PARM1: variants seen among roughly 807,000 people sequenced by gnomAD.
PARM1 encodes prostate androgen-regulated mucin-like protein 1, also known as WSC4, cell wall integrity and stress response component 4 homolog.
In PARM1, 14 loss-of-function variants were observed where a neutral mutation model predicts 24.6. That is an observed-to-expected ratio of 0.57 (90% CI 0.38 to 0.89). The LOEUF is 0.89. Among genes scored for constraint, PARM1 ranks in the 40% least tolerant of loss-of-function variants. The pLI is 0.00. For missense variants in PARM1, 362 were observed against 380.4 expected (o/e 0.95, Z 0.40); for synonymous variants, 179 against 156.6 (o/e 1.14, Z -1.07).
intron 3 of PARM1, among the ~76,000 whole-genome samples, chr4:75,041,016 T>C (rs1723472500): frequency 6.6e-6 from 1 of 152,174 alleles, no homozygotes; most frequent in Non-Finnish European, 1.5e-5. Context: ...CCACTTCTTC[T>C]ATTTGTTTTC....
chr4:74,993,063 C>T (rs374510431), intron 1 of PARM1, among the ~76,000 whole-genome samples: 2 of 152,158 alleles, frequency 1.3e-5, no homozygotes, highest in East Asian at 1.9e-4. Flanking sequence ...AGACTAGAGA[C>T]TTATTTCTTA....
At chr4:74,990,711 A>G (rs143019750) in intron 1 of PARM1, among the ~76,000 whole-genome samples, 3 of 152,198 alleles carry the variant, frequency 2.0e-5, no homozygotes, top group Non-Finnish European at 1.5e-5. Flanking sequence ...TCAACCAAGC[A>G]TAGTAAATTA....
intron 2 of PARM1, among the ~76,000 whole-genome samples, chr4:75,018,139 T>C (rs997183478): frequency 6.6e-6 from 1 of 152,214 alleles, no homozygotes; most frequent in Non-Finnish European, 1.5e-5. Flanking sequence ...AATACTAGGG[T>C]TATAGCCATG....
chr4:75,044,127 A>T (rs1220208461), intron 3 of PARM1, among the ~76,000 whole-genome samples: 1 of 152,158 alleles, frequency 6.6e-6, no homozygotes, highest in Non-Finnish European at 1.5e-5. Flanking sequence ...TTATTTTAGC[A>T]ACAGATATAA....
chr4:75,038,901 G>A (rs1475735214), intron 3 of PARM1, among the ~76,000 whole-genome samples: 2 of 152,198 alleles, frequency 1.3e-5, no homozygotes, highest in African/African-American at 2.4e-5. Context: ...TAGGTGTGCT[G>A]GTGACCCAGA....
At chr4:74,993,445 T>A (rs1722516025) in intron 1 of PARM1, among the ~76,000 whole-genome samples, 3 of 152,164 alleles carry the variant, frequency 2.0e-5, no homozygotes, top group Admixed American at 6.6e-5. Flanking sequence ...CCAGCTGAAC[T>A]GCTCCCAGTT....
chr4:75,006,995 C>T (rs1389596885), intron 1 of PARM1, among the ~76,000 whole-genome samples: 1 of 152,098 alleles, frequency 6.6e-6, no homozygotes, highest in African/African-American at 2.4e-5. Context: ...GGCTAATATC[C>T]AGAATCTACA....
intron 2 of PARM1, among the ~76,000 whole-genome samples, chr4:75,019,729 C>T (rs1042236896): frequency 3.3e-5 from 5 of 152,144 alleles, no homozygotes; most frequent in African/African-American, 4.8e-5. Flanking sequence ...TTCGCCCGGG[C>T]GCGGTGGCTC....
At chr4:75,028,877 C>T (rs906734868) in intron 2 of PARM1, among the ~76,000 whole-genome samples, 3 of 152,046 alleles carry the variant, frequency 2.0e-5, no homozygotes, top group Non-Finnish European at 4.4e-5. Context: ...ATATTTTTTC[C>T]AAAGAGCTCA....
At chr4:75,021,608 C>A (rs1341090700) in intron 2 of PARM1, among the ~76,000 whole-genome samples, 1 of 151,998 alleles carries the variant, frequency 6.6e-6, no homozygotes, top group Admixed American at 6.6e-5. Context: ...CCTCACCCTC[C>A]TCCCACCCTC....
chr4:75,000,699 G>A (rs1421435745), intron 1 of PARM1, among the ~76,000 whole-genome samples: 1 of 152,208 alleles, frequency 6.6e-6, no homozygotes, highest in African/African-American at 2.4e-5. Flanking sequence ...TGCAAAGAAG[G>A]CTACAAAAGA....
At chr4:74,939,912 T>A (rs1331485282) in intron 1 of PARM1, among the ~76,000 whole-genome samples, 1 of 152,232 alleles carries the variant, frequency 6.6e-6, no homozygotes, top group South Asian at 2.1e-4. Context: ...GATGATAACA[T>A]CTTCCACTTA....
At chr4:74,935,927 G>A (rs889520739) in intron 1 of PARM1, among the ~76,000 whole-genome samples, 1 of 152,104 alleles carries the variant, frequency 6.6e-6, no homozygotes, top group East Asian at 1.9e-4. Context: ...CTGCAACCTC[G>A]GCCTCCCCAT....
chr4:74,933,429 C>G, intron 1 of PARM1, 59 bp downstream of exon 1: 2 of 1,483,134 alleles, frequency 1.3e-6, no homozygotes, highest in Non-Finnish European at 1.9e-6. Context: ...GTAGCTAGCG[C>G]GTGGTCGGGG....
intron 2 of PARM1, among the ~76,000 whole-genome samples, chr4:75,016,470 C>T (rs1288076290): frequency 9.9e-5 from 15 of 152,024 alleles, no homozygotes; most frequent in Non-Finnish European, 5.9e-5. Flanking sequence ...GGGTATATTG[C>T]GTGATGCTGA....
intron 1 of PARM1, among the ~76,000 whole-genome samples, chr4:74,946,704 C>T (rs559377156): frequency 1.3e-5 from 2 of 152,148 alleles, no homozygotes; most frequent in South Asian, 4.2e-4. Flanking sequence ...CACCAACTGG[C>T]CAAAGCTGGG....
At chr4:74,994,241 A>G (rs1722531573) in intron 1 of PARM1, 1 of 152,138 alleles carries the variant, frequency 6.6e-6, no homozygotes, top group South Asian at 2.1e-4. Context: ...CAAAAACATA[A>G]TTACTATTAG....
intron 1 of PARM1, among the ~76,000 whole-genome samples, chr4:74,947,599 C>G (rs1578023367): frequency 1.3e-5 from 2 of 152,022 alleles, no homozygotes; most frequent in Admixed American, 1.3e-4. Context: ...TAATATAACC[C>G]TTATGTTTTC....
chr4:74,980,569 A>G (rs1722228916), intron 1 of PARM1, among the ~76,000 whole-genome samples: 1 of 152,220 alleles, frequency 6.6e-6, no homozygotes, highest in African/African-American at 2.4e-5. Context: ...TGCTATTCCC[A>G]TTAAACTACC....
Sources: allele counts gnomAD v4.1 joint callset (sites outside exome capture counted in the v4.1 genomes callset), GRCh38; gene constraint gnomAD v4.1.1; transcripts MANE v1.5; gene names NCBI Gene and HGNC (gene_info 2026-07-23, HGNC 2026-07-21).